The following PTPRN2 variants were observed in gnomAD, a reference collection of about 807,000 sequenced individuals.
The protein encoded by PTPRN2 is protein tyrosine phosphatase receptor type N2.
A neutral mutation model predicts 118.8 loss-of-function variants in PTPRN2; 74 were observed. The ratio of observed to expected loss-of-function variants is 0.62; its 90% CI spans 0.52 to 0.76. PTPRN2 has a LOEUF of 0.76. Ranked by LOEUF, PTPRN2 falls within the 30% of genes least tolerant of loss-of-function variation. The pLI is 0.00. For missense variants in PTPRN2, 1,481 were observed against 1,394.4 expected (o/e 1.06, Z -0.99); for synonymous variants, 641 against 608.0 (o/e 1.05, Z -0.80).
chr7:157,765,412 CCCAT>C (rs1157974965), intron 12 of PTPRN2, among the ~76,000 whole-genome samples: 1 of 150,662 alleles, frequency 6.6e-6, no homozygotes, highest in Non-Finnish European at 1.5e-5. Flanking sequence ...ATCCGTACAA[CCCAT>C]CCATCATCCA....
intron 3 of PTPRN2, among the ~76,000 whole-genome samples, chr7:158,211,976 A>G (rs1341611618): frequency 6.6e-6 from 1 of 152,196 alleles, no homozygotes; most frequent in Non-Finnish European, 1.5e-5. Flanking sequence ...ATGTCCATCA[A>G]CAGATGAATG....
intron 11 of PTPRN2, among the ~76,000 whole-genome samples, chr7:158,039,525 A>G (rs974823667): frequency 2.6e-5 from 4 of 152,204 alleles, no homozygotes; most frequent in Non-Finnish European, 1.5e-5. Context: ...GACTTTATTT[A>G]AGGAGAAGTC....
intron 11 of PTPRN2, among the ~76,000 whole-genome samples, chr7:158,062,917 G>T (rs75206940): frequency 2.0e-5 from 3 of 152,274 alleles, no homozygotes; most frequent in East Asian, 1.9e-4. Context: ...GCTCCGCGGC[G>T]CCCAGTCCCA....
chr7:158,265,822 G>A (rs1797834247), intron 3 of PTPRN2, among the ~76,000 whole-genome samples: 2 of 152,238 alleles, frequency 1.3e-5, no homozygotes, highest in Admixed American at 1.3e-4. Context: ...CCATCAGCAG[G>A]AGCTTCAGCC....
chr7:158,274,716 G>C (rs958386103), intron 3 of PTPRN2, among the ~76,000 whole-genome samples: 11 of 152,180 alleles, frequency 7.2e-5, no homozygotes, highest in Non-Finnish European at 1.0e-4. Context: ...GGCCCAGAGG[G>C]GCTCAGGTAC....
chr7:158,362,248 G>T (rs971705777), intron 2 of PTPRN2, among the ~76,000 whole-genome samples: 4 of 152,168 alleles, frequency 2.6e-5, no homozygotes, highest in African/African-American at 9.7e-5. Context: ...CTGCCCGCCC[G>T]GCCTCAGCCT....
chr7:157,988,640 C>G (rs1372259332), intron 11 of PTPRN2, among the ~76,000 whole-genome samples: 1 of 152,230 alleles, frequency 6.6e-6, no homozygotes, highest in African/African-American at 2.4e-5. Context: ...CCCCAGGGAG[C>G]ACAGGGGGGC....
At chr7:158,067,380 C>G (rs1810853502) in intron 11 of PTPRN2, among the ~76,000 whole-genome samples, 1 of 152,144 alleles carries the variant, frequency 6.6e-6, no homozygotes, top group African/African-American at 2.4e-5. Flanking sequence ...GGTTTGTCTT[C>G]AGGAGCTCTT....
chr7:157,815,990 C>G (rs912932277), intron 12 of PTPRN2, among the ~76,000 whole-genome samples: 18 of 152,198 alleles, frequency 1.2e-4, no homozygotes, highest in African/African-American at 4.3e-4. Context: ...TACTGTCACC[C>G]TCGTGCAGAT....
At chr7:157,833,874 G>A (rs1563154500) in intron 12 of PTPRN2, among the ~76,000 whole-genome samples, 2 of 152,330 alleles carry the variant, frequency 1.3e-5, no homozygotes, top group Admixed American at 6.5e-5. Context: ...GAGTCGAATC[G>A]GACAGGACGT....
chr7:158,433,075 C>T (rs934986329), intron 2 of PTPRN2, among the ~76,000 whole-genome samples: 4 of 152,242 alleles, frequency 2.6e-5, no homozygotes, highest in African/African-American at 4.8e-5. Context: ...GGCTTCTTTG[C>T]GCAATATCCC....
At chr7:158,488,431 C>G (rs1036462457) in intron 2 of PTPRN2, among the ~76,000 whole-genome samples, 1 of 152,190 alleles carries the variant, frequency 6.6e-6, no homozygotes, top group Admixed American at 6.5e-5. Flanking sequence ...GCGCCTCCAC[C>G]GTGGCTTCCC....
At chr7:158,252,964 T>C (rs1051874860) in intron 3 of PTPRN2, among the ~76,000 whole-genome samples, 4 of 152,132 alleles carry the variant, frequency 2.6e-5, no homozygotes, top group African/African-American at 9.7e-5. Context: ...TGAGAGTCCC[T>C]GTGGCCCGAG....
intron 2 of PTPRN2, among the ~76,000 whole-genome samples, chr7:158,363,226 C>T (rs1311646151): frequency 6.6e-6 from 1 of 151,734 alleles, no homozygotes; most frequent in South Asian, 2.1e-4. Flanking sequence ...TACGGGAGGA[C>T]GCTCGGGAGG....
chr7:157,623,904 T>C (rs561436254), intron 14 of PTPRN2, among the ~76,000 whole-genome samples: 1 of 152,404 alleles, frequency 6.6e-6, no homozygotes, highest in African/African-American at 2.4e-5. Flanking sequence ...TCCTTTGTGA[T>C]ATTAAACTGA....
At chr7:157,547,361 A>G (rs1798370715) in intron 22 of PTPRN2, among the ~76,000 whole-genome samples, 1 of 152,144 alleles carries the variant, frequency 6.6e-6, no homozygotes. Context: ...CTAGGCAGCC[A>G]GTACAGGAGG....
chr7:158,458,728 A>T lies in PTPRN2; in HGVS notation c.163+31007T>A, dbSNP rs138510196. ...GATTCAAATCCAAATCCTACTGTGA[A>T]GCCGGTACCCCCATAACACCAGGCT... On this transcript the variant is annotated intron_variant, in intron 2 of 22. Coordinates refer to ENST00000389418, the MANE Select transcript of PTPRN2 (RefSeq NM_002847.5). 4.5e-3 allele frequency among the ~76,000 whole-genome samples: 684 copies of T among 152,266 alleles called. 5 individuals carry two copies. Among genetic ancestry groups the T allele is most frequent in the African/African-American group, 0.015 (642 of 41,542 alleles).
chr7:158,185,304 C>T (rs1825046576), intron 5 of PTPRN2, among the ~76,000 whole-genome samples: 1 of 152,100 alleles, frequency 6.6e-6, no homozygotes, highest in Non-Finnish European at 1.5e-5. Flanking sequence ...ATATAACATA[C>T]TCAAAAAGAA....
chr7:158,471,627 G>A (rs556498304), intron 2 of PTPRN2, among the ~76,000 whole-genome samples: 87 of 152,280 alleles, frequency 5.7e-4, no homozygotes, highest in African/African-American at 2.0e-3. Context: ...GTCAGAAGTT[G>A]TGGCGAGCTG....
Sources: gnomAD v4.1 joint callset for allele counts (sites outside exome capture counted in the v4.1 genomes callset) on GRCh38, gnomAD v4.1.1 for gene constraint, MANE v1.5 for transcripts, NCBI Gene and HGNC (gene_info 2026-07-23, HGNC 2026-07-21) for gene names.